BRD10: variants seen among roughly 807,000 people sequenced by gnomAD.
BRD10 encodes the protein uncharacterized bromodomain-containing protein 10.
the BRD10 span, chr9:5,922,517 A>G: frequency 1.5e-5 from 24 of 1,613,990 alleles, no homozygotes; most frequent in African/African-American, 1.9e-4. Context: ...TTGGGTAGAA[A>G]CAGTTCCTGG....
the BRD10 span, chr9:5,968,586 G>C: frequency 1.9e-6 from 3 of 1,613,720 alleles, no homozygotes; most frequent in East Asian, 6.7e-5. Context: ...ATTTTAGCAG[G>C]ACAGCAAGCT....
the BRD10 span, among the ~76,000 whole-genome samples, chr9:5,975,165 G>A: frequency 1.3e-5 from 2 of 152,152 alleles, no homozygotes; most frequent in African/African-American, 2.4e-5. Context: ...GCTGGGCGTG[G>A]TGGCTCGTGC....
the BRD10 span, chr9:5,923,197 C>G: frequency 6.2e-7 from 1 of 1,613,988 alleles, no homozygotes; most frequent in Non-Finnish European, 8.5e-7. Context: ...TTTGTTTGGA[C>G]TGTCGTTTAA....
chr9:5,933,390 G>GT, the BRD10 span, among the ~76,000 whole-genome samples: 2 of 152,174 alleles, frequency 1.3e-5, no homozygotes, highest in Non-Finnish European at 2.9e-5. Context: ...TGAATTTCAA[G>GT]TGTACATTAT....
the BRD10 span, among the ~76,000 whole-genome samples, chr9:5,983,662 A>G: frequency 6.6e-6 from 1 of 152,284 alleles, no homozygotes; most frequent in South Asian, 2.1e-4. Flanking sequence ...GCAGCCTTGA[A>G]AAGAGCACAG....
the BRD10 span, among the ~76,000 whole-genome samples, chr9:5,971,100 G>C: frequency 2.2e-5 from 3 of 139,504 alleles, no homozygotes; most frequent in Non-Finnish European, 4.7e-5. Flanking sequence ...ACTTGAACTT[G>C]AATAGATATT....
the BRD10 span, among the ~76,000 whole-genome samples, chr9:5,914,420 T>TTG: frequency 8.9e-6 from 1 of 112,214 alleles, no homozygotes; most frequent in South Asian, 3.4e-4. Flanking sequence ...GTTTTTTTTT[T>TTG]TTTTTTTTTT....
the BRD10 span, chr9:6,007,320 C>G: frequency 1.2e-6 from 2 of 1,613,842 alleles, no homozygotes; most frequent in Non-Finnish European, 1.7e-6. Flanking sequence ...CCGCCACGAA[C>G]TCGGTGATGC....
At chr9:5,918,327 A>T in the BRD10 span, among the ~76,000 whole-genome samples, 1 of 152,226 alleles carries the variant, frequency 6.6e-6, no homozygotes. Flanking sequence ...GATGAAGTTT[A>T]ACAACATTAT....
At chr9:5,934,358 C>CTTTTTTTTTTTTT in the BRD10 span, among the ~76,000 whole-genome samples, 2 of 129,996 alleles carry the variant, frequency 1.5e-5, 1 homozygote, top group African/African-American at 5.8e-5. Flanking sequence ...TTACGCTTTT[C>CTTTTTTTTTTTTT]TTTTTTTTTT....
At chr9:5,899,134 C>T in the BRD10 span, 3 of 152,166 alleles carry the variant, frequency 2.0e-5, no homozygotes, top group African/African-American at 7.2e-5. Context: ...GTCTCTCTTT[C>T]TTGTTATTAC....
At chr9:5,914,616 G>C in the BRD10 span, among the ~76,000 whole-genome samples, 1 of 151,462 alleles carries the variant, frequency 6.6e-6, no homozygotes, top group Non-Finnish European at 1.5e-5. Context: ...GTAGAGACGG[G>C]GTTTCACCGC....
At chr9:5,990,076 G>C in the BRD10 span, among the ~76,000 whole-genome samples, 1 of 152,062 alleles carries the variant, frequency 6.6e-6, no homozygotes, top group Non-Finnish European at 1.5e-5. Context: ...ATGTTAAATT[G>C]GTTTTCCAAA....
chr9:5,954,944 C>T, the BRD10 span, among the ~76,000 whole-genome samples: 2 of 151,784 alleles, frequency 1.3e-5, no homozygotes, highest in Non-Finnish European at 2.9e-5. Context: ...AAAAATTAGC[C>T]GGGTGTGGTG....
the BRD10 span, among the ~76,000 whole-genome samples, chr9:5,972,942 C>T: frequency 6.6e-6 from 1 of 151,726 alleles, no homozygotes; most frequent in Non-Finnish European, 1.5e-5. Flanking sequence ...AAAATATAGA[C>T]AAAAAGATAT....
the BRD10 span, chr9:5,922,848 G>A: frequency 6.2e-7 from 1 of 1,613,966 alleles, no homozygotes; most frequent in Non-Finnish European, 8.5e-7. Context: ...GTCAATGCTG[G>A]CTTTATCGGG....
the BRD10 span, chr9:5,969,461 T>C: frequency 4.3e-5 from 60 of 1,407,912 alleles, 1 homozygote; most frequent in Non-Finnish European, 5.5e-5. Context: ...CAAATTATAC[T>C]ATTATTATTC....
the BRD10 span, among the ~76,000 whole-genome samples, chr9:5,983,459 T>A: frequency 1.3e-5 from 2 of 151,064 alleles, no homozygotes; most frequent in African/African-American, 4.8e-5. Context: ...AGCAAAAGAA[T>A]ATAACTAGGA....
the BRD10 span, among the ~76,000 whole-genome samples, chr9:5,898,656 G>A: frequency 6.6e-6 from 1 of 152,140 alleles, no homozygotes; most frequent in Non-Finnish European, 1.5e-5. Flanking sequence ...TAGCAAACAG[G>A]AGTATATTAG....
Sources: gnomAD v4.1 joint callset for allele counts (sites outside exome capture counted in the v4.1 genomes callset) on GRCh38, gnomAD v4.1.1 for gene constraint, MANE v1.5 for transcripts, NCBI Gene and HGNC (gene_info 2026-07-23, HGNC 2026-07-21) for gene names.